DLGAP2: variants seen among roughly 807,000 people sequenced by gnomAD.
The protein encoded by DLGAP2 is DLG associated protein 2.
Under a neutral mutation model 100.3 loss-of-function variants are expected in DLGAP2, and 26 were observed. The observed-to-expected ratio is 0.26, with a 90% CI of 0.19 to 0.36. The LOEUF is 0.36. Ranked by LOEUF, DLGAP2 falls within the 10% of genes least tolerant of loss-of-function variation. The pLI is 1.00. For synonymous variants in DLGAP2, 886 were observed against 630.1 expected, an observed-to-expected ratio of 1.41 and a Z score of -6.08; for missense variants, 1,858 against 1,453.2, an observed-to-expected ratio of 1.28 and a Z score of -4.53.
At chr8:1,253,071 C>T (rs1453388748) in intron 2 of DLGAP2, among the ~76,000 whole-genome samples, 1 of 152,216 alleles carries the variant, frequency 6.6e-6, no homozygotes, top group African/African-American at 2.4e-5. Flanking sequence ...ACGGCAAATG[C>T]CGCCCACGCC....
At chr8:1,051,160 G>A (rs1802698425) in intron 2 of DLGAP2, among the ~76,000 whole-genome samples, 1 of 152,054 alleles carries the variant, frequency 6.6e-6, no homozygotes, top group Non-Finnish European at 1.5e-5. Flanking sequence ...AAGGGGAGCA[G>A]CTTCTTCCTG....
chr8:1,641,366 A>T (rs1421534090), intron 8 of DLGAP2, among the ~76,000 whole-genome samples: 1 of 152,104 alleles, frequency 6.6e-6, no homozygotes, highest in Non-Finnish European at 1.5e-5. Context: ...TTTTCAAGTA[A>T]TTTGTGTCCT....
At chr8:762,035 C>T (rs979741762) in intron 1 of DLGAP2, among the ~76,000 whole-genome samples, 8 of 152,158 alleles carry the variant, frequency 5.3e-5, no homozygotes, top group Admixed American at 1.3e-4. Flanking sequence ...GATGATAGGT[C>T]GCTGTGGGTT....
At chr8:1,565,127 C>A (rs1279490915) in intron 5 of DLGAP2, among the ~76,000 whole-genome samples, 1 of 152,152 alleles carries the variant, frequency 6.6e-6, no homozygotes, top group Non-Finnish European at 1.5e-5. Context: ...TGCACAGGTG[C>A]TTGGTGATAT....
chr8:1,337,189 G>T lies in DLGAP2; in HGVS notation c.106+78306G>T, dbSNP rs1269423279. Among the ~76,000 whole-genome samples, 3 of 122,842 alleles carry T rather than the reference G, an allele frequency of 2.4e-5. No individual in the cohort carries two copies. In the South Asian group the frequency reaches 6.9e-4, roughly 28 times the overall value. The allele number at this position is 122,842 out of a possible 152,430, so 80.6% of individuals were successfully genotyped here. On this transcript the variant is annotated intron_variant, in intron 3 of 14. Transcript: ENST00000637795. ...TGGTGATGATGATGATGGTGGTGGTGAGAATGATGGTGATGATGGTGATGA... is the reference window on the plus strand; with the variant it reads ...TGGTGATGATGATGATGGTGGTGGTTAGAATGATGGTGATGATGGTGATGA...
chr8:910,280 C>T (rs1017750901), intron 2 of DLGAP2: 4 of 152,200 alleles, frequency 2.6e-5, no homozygotes, highest in Non-Finnish European at 5.9e-5. Context: ...CTTTATACTC[C>T]ATTAACTTTA....
At chr8:1,653,006 T>C (rs899340354) in intron 8 of DLGAP2, among the ~76,000 whole-genome samples, 5 of 152,206 alleles carry the variant, frequency 3.3e-5, no homozygotes, top group Non-Finnish European at 7.3e-5. Context: ...CAGAGGACTG[T>C]CATGGGCCTT....
intron 2 of DLGAP2, among the ~76,000 whole-genome samples, chr8:1,026,078 C>A (rs1161867210): frequency 6.6e-6 from 1 of 152,236 alleles, no homozygotes; most frequent in East Asian, 1.9e-4. Context: ...GTCCCGGCTT[C>A]CAGGAGCCCT....
intron 4 of DLGAP2, among the ~76,000 whole-genome samples, chr8:1,508,681 T>C (rs1489474982): frequency 6.8e-6 from 1 of 147,636 alleles, no homozygotes; most frequent in African/African-American, 2.5e-5. Context: ...GCGGGGGAGT[T>C]GGAAGGAAAA....
At chr8:1,208,385 C>G (rs1258632583) in intron 2 of DLGAP2, among the ~76,000 whole-genome samples, 1 of 152,242 alleles carries the variant, frequency 6.6e-6, no homozygotes, top group South Asian at 2.1e-4. Flanking sequence ...ATCACATGAT[C>G]ATCTCAACAG....
intron 3 of DLGAP2, among the ~76,000 whole-genome samples, chr8:1,491,095 C>G (rs1454168504): frequency 4.8e-5 from 3 of 62,292 alleles, no homozygotes; most frequent in Non-Finnish European, 7.5e-5. Flanking sequence ...AAAAAAAACC[C>G]AAAAATAAAA....
In DLGAP2 at chr8:1,259,018, G is replaced by A. The variant is rs1434689336; in HGVS notation, c.106+135G>A. On this transcript the variant is annotated intron_variant, in intron 3 of 14. Coordinates refer to ENST00000637795, the MANE Select transcript of DLGAP2 (RefSeq NM_001346810.2). ...GACGCAGTCTGTGTGCTGTTTGATAGGAACGTGAGTAAAATAATTGAAGCA... is the reference window on the plus strand; with the variant it reads ...GACGCAGTCTGTGTGCTGTTTGATAAGAACGTGAGTAAAATAATTGAAGCA... 15 of 706,940 alleles carry A rather than the reference G, an allele frequency of 2.1e-5. No individual in the cohort carries two copies. In the East Asian group the frequency reaches 4.8e-4, roughly 22 times the overall value. The allele number at this position is 706,940 out of a possible 1,614,324, so 43.8% of individuals were successfully genotyped here.
chr8:866,327 G>A (rs147342822), intron 1 of DLGAP2, among the ~76,000 whole-genome samples: 42 of 152,354 alleles, frequency 2.8e-4, no homozygotes, highest in East Asian at 2.7e-3. Flanking sequence ...GGAAACGTGC[G>A]TGGGGCATGT....
intron 2 of DLGAP2, among the ~76,000 whole-genome samples, chr8:985,352 G>A (rs1474864190): frequency 1.3e-5 from 2 of 152,210 alleles, no homozygotes; most frequent in East Asian, 3.8e-4. Context: ...CTAATGCTGT[G>A]TAGGCAAGTT....
intron 8 of DLGAP2, among the ~76,000 whole-genome samples, chr8:1,634,486 T>C (rs981789409): frequency 6.6e-6 from 1 of 152,176 alleles, no homozygotes; most frequent in Non-Finnish European, 1.5e-5. Flanking sequence ...GCCTCCTGTT[T>C]TCCTCTGGTT....
chr8:1,333,467 G>C (rs1801203476), intron 3 of DLGAP2, among the ~76,000 whole-genome samples: 2 of 152,248 alleles, frequency 1.3e-5, no homozygotes, highest in Admixed American at 1.3e-4. Context: ...TCATCAGATT[G>C]TCTAAATAGC....
At chr8:1,514,702 C>G (rs1800298718) in intron 4 of DLGAP2, among the ~76,000 whole-genome samples, 1 of 152,206 alleles carries the variant, frequency 6.6e-6, no homozygotes, top group African/African-American at 2.4e-5. Flanking sequence ...CAGCACGTGA[C>G]AGAACGAGTC....
At chr8:811,043 T>A (rs760726238) in intron 1 of DLGAP2, among the ~76,000 whole-genome samples, 1 of 152,236 alleles carries the variant, frequency 6.6e-6, no homozygotes, top group African/African-American at 2.4e-5. Context: ...TCTCCCGGAC[T>A]TTCCTCTTCA....
intron 2 of DLGAP2, among the ~76,000 whole-genome samples, chr8:944,534 G>C (rs954837082): frequency 1.3e-5 from 2 of 152,066 alleles, no homozygotes; most frequent in African/African-American, 4.8e-5. Flanking sequence ...TGATCCAGTG[G>C]GTGGCAGTCG....
Sources: allele counts gnomAD v4.1 joint callset (sites outside exome capture counted in the v4.1 genomes callset), GRCh38; gene constraint gnomAD v4.1.1; transcripts MANE v1.5; gene names NCBI Gene and HGNC (gene_info 2026-07-23, HGNC 2026-07-21).